The following SGPP2 variants were observed in gnomAD, a reference collection of about 807,000 sequenced individuals.
SGPP2 encodes the protein sphingosine-1-phosphate phosphatase 2, also known as sphingosine 1-phosphate phosphohydrolase 2.
A neutral mutation model predicts 33.9 loss-of-function variants in SGPP2; 30 were observed. The ratio of observed to expected loss-of-function variants is 0.89; its 90% CI spans 0.66 to 1.20. The LOEUF (loss-of-function observed/expected upper bound fraction) is 1.20, where lower values mean the gene tolerates loss of function less well. Among genes scored for constraint, SGPP2 ranks in the 50% most tolerant of loss-of-function variants. The pLI is 0.00. For synonymous variants in SGPP2, 233 were observed against 225.0 expected (o/e 1.04, Z -0.32); for missense variants, 458 against 532.1 (o/e 0.86, Z 1.37).
At chr2:222,551,299 TG>T (rs1006993513) in intron 4 of SGPP2, among the ~76,000 whole-genome samples, 9 of 152,196 alleles carry the variant, frequency 5.9e-5, no homozygotes, top group African/African-American at 2.2e-4. Flanking sequence ...GTTTTCCCTC[TG>T]GCCTCACATA....
intron 4 of SGPP2, among the ~76,000 whole-genome samples, chr2:222,536,030 G>A (rs187785656): frequency 4.2e-4 from 64 of 152,334 alleles, no homozygotes; most frequent in East Asian, 2.1e-3. Flanking sequence ...ACACTACTGC[G>A]TGTTGTATTT....
chr2:222,476,908 G>A lies in SGPP2; in HGVS notation c.378+2182G>A, dbSNP rs892741537. 4.0e-5 allele frequency among the ~76,000 whole-genome samples: 6 copies of A among 151,534 alleles called. No individual in the cohort carries two copies. Among genetic ancestry groups the A allele is most frequent in the Admixed American group, 1.3e-4 (2 of 15,220 alleles). ...TATGTGTGTTTATTGTATGTATATA[G>A]ATGTGTATATATGTGTATTGGAGTA... On this transcript the variant is annotated intron_variant, in intron 2 of 4. Transcript: ENST00000321276. This position sits in a 1 kb window ranked among gnomAD's most constrained non-coding sequence, Gnocchi z 4.3.
intron 1 of SGPP2, among the ~76,000 whole-genome samples, chr2:222,429,487 TATC>T (rs1271517175): frequency 6.6e-6 from 1 of 152,254 alleles, no homozygotes; most frequent in East Asian, 1.9e-4. Context: ...TAGTTACAGA[TATC>T]ATCATTGTTC....
intron 1 of SGPP2, among the ~76,000 whole-genome samples, chr2:222,432,005 T>C (rs1697164630): frequency 6.6e-6 from 1 of 152,216 alleles, no homozygotes; most frequent in Non-Finnish European, 1.5e-5. Context: ...AGCTGCAGTT[T>C]TGGGCTGCAG....
Position 222,436,820 on chromosome 2 carries a change from G to A in SGPP2, c.219+11999G>A, listed in dbSNP as rs1379509011. Among the ~76,000 whole-genome samples the A allele has an allele frequency of 2.0e-5, 3 of 152,290 alleles. No homozygotes were observed. The South Asian group carries it at 6.2e-4, about 32-fold the overall frequency. Reference sequence around the variant, plus strand: ...TCCAATATAATCAACCTGCCACCAGGTAGCCGGCTGATCACCCAACGGAAT... The same window carrying A: ...TCCAATATAATCAACCTGCCACCAGATAGCCGGCTGATCACCCAACGGAAT... On this transcript the variant is annotated intron_variant, in intron 1 of 4. Transcript: ENST00000321276.
chr2:222,483,068 C>A (rs1044198977), intron 2 of SGPP2, among the ~76,000 whole-genome samples: 3 of 152,022 alleles, frequency 2.0e-5, no homozygotes, highest in African/African-American at 7.2e-5. Flanking sequence ...GAAAGTTGGG[C>A]GGGACAACAT....
rs1689504611 is a variant in SGPP2 at position 222,559,824 on chromosome 2, T to C, written c.*926T>C. The C allele has an allele frequency of 6.6e-6, 1 of 152,358 alleles. No homozygotes were observed. The highest frequency in any genetic ancestry group is 6.5e-5 in the Admixed American group (1 of 15,282). 9.4% of individuals were successfully genotyped at this position (152,358 alleles called of 1,614,324 possible). A position where few individuals can be genotyped will look rare whatever the true frequency, so the allele number is the denominator to read the frequency against. ...AAGATCACTCTGAAAGAAAGCTCAC[T>C]GTGAAGAGATGAAAGGTGGAGGCAG... On this transcript the variant is annotated 3_prime_UTR_variant, in exon 5 of 5. Transcript: ENST00000321276.
chr2:222,549,883 C>CTTTT (rs751034613), intron 4 of SGPP2, among the ~76,000 whole-genome samples: 3 of 137,656 alleles, frequency 2.2e-5, no homozygotes, highest in African/African-American at 5.3e-5. Context: ...CTTTTCTTTT[C>CTTTT]TTTTTTTTTT....
Position 222,525,031 on chromosome 2 carries a change from C to G in SGPP2, c.646C>G (p.Leu216Val). 6.2e-7 allele frequency: 1 copy of G among 1,613,466 alleles called. No homozygotes were observed. Among genetic ancestry groups the G allele is most frequent in the African/African-American group, 1.3e-5 (1 of 74,970 alleles). ...SRLYTGMHTV[L>V]DVLGGVLITA... Reference sequence around the variant, plus strand: ...GCTCTACACTGGGATGCATACGGTCCTGGTAAGGCTTTGTGGTCAGGTCTT... The same window carrying G: ...GCTCTACACTGGGATGCATACGGTCGTGGTAAGGCTTTGTGGTCAGGTCTT... Residue 216 changes from leucine (L) to valine (V), a missense_variant and splice_region_variant, in exon 4 of 5, where the codon CTG becomes GTG. By Grantham distance (32) the Leu-to-Val change is conservative. Transcript: ENST00000321276.
Position 222,558,944 on chromosome 2 carries a change from CAT to C in SGPP2, c.*48_*49del, listed in dbSNP as rs1362135346. ...AGCCCACTGGACATGAAAGCCAAGACATAGGAAAGTTATTGGTAGGCAAATCT... is the reference window on the plus strand; with the variant it reads ...AGCCCACTGGACATGAAAGCCAAGACAGGAAAGTTATTGGTAGGCAAATCT... On this transcript the variant is annotated 3_prime_UTR_variant, in exon 5 of 5. Transcript: ENST00000321276. 89 of 1,557,400 alleles carry C rather than the reference CAT, an allele frequency of 5.7e-5. No homozygotes were observed. Among genetic ancestry groups the C allele is most frequent in the Non-Finnish European group, 7.3e-5 (84 of 1,145,796 alleles).
intron 2 of SGPP2, among the ~76,000 whole-genome samples, chr2:222,511,712 G>A (rs1289025344): frequency 1.3e-5 from 2 of 152,118 alleles, no homozygotes; most frequent in African/African-American, 4.8e-5. Context: ...TTTGAGACAG[G>A]GTCTTGGTCT....
rs371215091 is a variant in SGPP2 at position 222,474,557 on chromosome 2, T to C, written c.220-11T>C. On this transcript the variant is annotated splice_polypyrimidine_tract_variant and intron_variant, in intron 1 of 4. Coordinates refer to ENST00000321276, the MANE Select transcript of SGPP2 (RefSeq NM_152386.4). The stretch of plus-strand genomic sequence containing the variant: ...ATGAACTCACAGAGTCTTCTAACTT[T>C]TGTCTTTTAGGCTTATGTACAGAAG... The C allele has an allele frequency of 5.0e-4, 812 of 1,611,810 alleles. 8 individuals carry two copies. The South Asian group carries it at 8.4e-3, about 17-fold the overall frequency.
chr2:222,502,057 C>T lies in SGPP2; in HGVS notation c.379-19710C>T, dbSNP rs2106118678. On this transcript the variant is annotated intron_variant, in intron 2 of 4. Coordinates refer to ENST00000321276, the MANE Select transcript of SGPP2 (RefSeq NM_152386.4). ...CCTTATGCCACCCTCACAAATTTTC[C>T]CATTTGTTAGGCACACTCATAGAAT... is the stretch of plus-strand genomic sequence containing the variant. Among the ~76,000 whole-genome samples the T allele has an allele frequency of 2.0e-5, 3 of 152,172 alleles. 1 individual carries two copies. In the South Asian group the frequency reaches 6.2e-4, roughly 32 times the overall value.
At position 222,424,769 on chromosome 2, in the gene SGPP2, G is replaced by T; in HGVS notation, c.167G>T (p.Gly56Val). ...PGVEHLPAANGKGGEAPANGL... is the reference protein window; with the variant it reads ...PGVEHLPAANVKGGEAPANGL... ...GTCGAGCATCTCCCCGCAGCCAACG[G>T]CAAGGGCGGCGAGGCTCCGGCCAAC... Residue 56 changes from glycine to valine, a missense_variant, in exon 1 of 5, where the codon GGC becomes GTC. Coordinates refer to ENST00000321276, the MANE Select transcript of SGPP2 (RefSeq NM_152386.4). 1 of 1,403,366 alleles carries T rather than the reference G, an allele frequency of 7.1e-7. No homozygotes were observed. The highest frequency in any genetic ancestry group is 1.5e-5 in the South Asian group (1 of 66,286). 86.9% of individuals were successfully genotyped at this position (1,403,366 alleles called of 1,614,324 possible). A position where few individuals can be genotyped will look rare whatever the true frequency, so the allele number is the denominator to read the frequency against.
intron 4 of SGPP2, among the ~76,000 whole-genome samples, chr2:222,535,377 CAAA>C (rs59455252): frequency 1.9e-5 from 2 of 106,826 alleles, no homozygotes; most frequent in Non-Finnish European, 2.0e-5. Flanking sequence ...GACTCTGTCT[CAAA>C]AAAAAAAAAA....
chr2:222,448,339 C>G (rs970477627), intron 1 of SGPP2, among the ~76,000 whole-genome samples: 2 of 152,186 alleles, frequency 1.3e-5, no homozygotes, highest in Admixed American at 6.5e-5. Flanking sequence ...TGTACCCCAC[C>G]ATGCCATGAG....
chr2:222,549,339 C>T (rs1689253204), intron 4 of SGPP2, among the ~76,000 whole-genome samples: 1 of 152,150 alleles, frequency 6.6e-6, no homozygotes, highest in South Asian at 2.1e-4. Context: ...GGAAATTTGT[C>T]GCAGTAAACT....
At chr2:222,546,464 A>G (rs970724838) in intron 4 of SGPP2, among the ~76,000 whole-genome samples, 8 of 152,210 alleles carry the variant, frequency 5.3e-5, no homozygotes, top group Admixed American at 3.9e-4. Flanking sequence ...GAACATGGCC[A>G]TATTTGACTT....
chr2:222,460,539 G>A lies in SGPP2; in HGVS notation c.220-14029G>A, dbSNP rs952397429. 7.2e-5 allele frequency among the ~76,000 whole-genome samples: 11 copies of A among 152,184 alleles called. No individual in the cohort carries two copies. Among genetic ancestry groups the A allele is most frequent in the Admixed American group, 5.2e-4 (8 of 15,270 alleles). Reference sequence around the variant, plus strand: ...CAAGAATGTGAATCCACTGGTGACCGTTTACAGCAGCACATCTCTGATCAT... The same window carrying A: ...CAAGAATGTGAATCCACTGGTGACCATTTACAGCAGCACATCTCTGATCAT... On this transcript the variant is annotated intron_variant, in intron 1 of 4. Transcript: ENST00000321276. This position sits in a 1 kb window ranked among gnomAD's most constrained non-coding sequence, Gnocchi z 4.3.
Sources: gnomAD v4.1 joint callset for allele counts (sites outside exome capture counted in the v4.1 genomes callset) on GRCh38, gnomAD v4.1.1 for gene constraint, Gnocchi (gnomAD v3.1) non-coding constraint, MANE v1.5 for transcripts, NCBI Gene and HGNC (gene_info 2026-07-23, HGNC 2026-07-21) for gene names.